POU6F2: variants seen among roughly 807,000 people sequenced by gnomAD.
POU6F2 encodes POU domain, class 6, transcription factor 2.
POU6F2 carries 31 observed loss-of-function variants against 71.3 expected under a neutral mutation model. That is an observed-to-expected ratio of 0.43 (90% CI 0.33 to 0.59). The LOEUF is 0.59. POU6F2 is among the 20% of genes least tolerant of loss of function. The probability of loss-of-function intolerance (pLI) is 0.04; values close to 1 mark genes in which losing one functional copy is unlikely to be tolerated. For synonymous variants in POU6F2, 347 were observed against 355.7 expected, an observed-to-expected ratio of 0.98 and a Z score of 0.27; for missense variants, 783 against 856.8, an observed-to-expected ratio of 0.91 and a Z score of 1.07.
intron 4 of POU6F2, among the ~76,000 whole-genome samples, chr7:39,327,973 T>G (rs1425033282): frequency 6.6e-6 from 1 of 152,002 alleles, no homozygotes; most frequent in Non-Finnish European, 1.5e-5. Context: ...CAGGCTGGAG[T>G]GCAGTGGCAT....
intron 2 of POU6F2, among the ~76,000 whole-genome samples, chr7:39,131,720 T>C (rs2128729772): frequency 6.6e-6 from 1 of 152,344 alleles, no homozygotes; most frequent in Admixed American, 6.5e-5. Flanking sequence ...GAGTTGGTAT[T>C]CAGGAAATTA....
At chr7:39,380,955 A>G (rs1786815473) in intron 5 of POU6F2, among the ~76,000 whole-genome samples, 2 of 152,180 alleles carry the variant, frequency 1.3e-5, no homozygotes, top group South Asian at 4.1e-4. Context: ...CAAAGTCCTT[A>G]GATTATCTCA....
At chr7:39,004,489 C>G (rs1789001025) in intron 1 of POU6F2, among the ~76,000 whole-genome samples, 2 of 152,142 alleles carry the variant, frequency 1.3e-5, no homozygotes. Context: ...CCAGGACAAG[C>G]CCAGTGAATG....
chr7:39,371,523 G>T (rs572891300), intron 5 of POU6F2, among the ~76,000 whole-genome samples: 1 of 152,004 alleles, frequency 6.6e-6, no homozygotes, highest in Non-Finnish European at 1.5e-5. Context: ...GAGCACTAAC[G>T]GCCAGTCCTC....
intron 1 of POU6F2, among the ~76,000 whole-genome samples, chr7:39,036,646 A>G (rs1398918111): frequency 6.6e-6 from 1 of 150,414 alleles, no homozygotes; most frequent in African/African-American, 2.4e-5. Flanking sequence ...TACAATGCTT[A>G]AGTTTTATCT....
At chr7:39,285,916 G>A (rs996773807) in intron 4 of POU6F2, among the ~76,000 whole-genome samples, 12 of 152,152 alleles carry the variant, frequency 7.9e-5, no homozygotes, top group Non-Finnish European at 4.4e-5. Flanking sequence ...TTCCCAGAAG[G>A]GAGGAAGCAT....
chr7:39,236,119 A>T (rs1794670917), intron 4 of POU6F2, among the ~76,000 whole-genome samples: 1 of 152,264 alleles, frequency 6.6e-6, no homozygotes, highest in South Asian at 2.1e-4. Context: ...TGCACTCACC[A>T]CTTCCTTTGA....
rs184390145 is a variant in POU6F2 at position 38,983,888 on chromosome 7, A to G, written c.105+5830A>G. ...CATTAAAGGAAATTCTCTAGGTTTT[A>G]AAACACTTGTTTTTCAGGTTGGCTG... On this transcript the variant is annotated intron_variant, in intron 1 of 9. Transcript: ENST00000518318. Among the ~76,000 whole-genome samples, 6 of 152,264 alleles carry G rather than the reference A, an allele frequency of 3.9e-5. No homozygotes were observed. In the East Asian group the frequency reaches 1.2e-3, roughly 29 times the overall value.
chr7:39,229,962 T>C (rs1013888511), intron 4 of POU6F2, among the ~76,000 whole-genome samples: 1 of 152,242 alleles, frequency 6.6e-6, no homozygotes, highest in Non-Finnish European at 1.5e-5. Context: ...ACAGGCACCC[T>C]GTCCAGGCAT....
chr7:39,185,220 G>A (rs1028688157), intron 2 of POU6F2, among the ~76,000 whole-genome samples: 2 of 152,056 alleles, frequency 1.3e-5, no homozygotes, highest in African/African-American at 4.8e-5. Flanking sequence ...GGATGGGGGA[G>A]GGGGGTGAAG....
chr7:39,425,623 C>T (rs1273769230), intron 6 of POU6F2, among the ~76,000 whole-genome samples: 1 of 152,228 alleles, frequency 6.6e-6, no homozygotes, highest in Non-Finnish European at 1.5e-5. Flanking sequence ...CGCTACCTCT[C>T]AGAAATAAAC....
intron 2 of POU6F2, among the ~76,000 whole-genome samples, chr7:39,171,283 T>C (rs984268490): frequency 7.2e-5 from 11 of 152,058 alleles, no homozygotes; most frequent in Non-Finnish European, 1.3e-4. Flanking sequence ...ATAATATATA[T>C]TTATCCTGTA....
chr7:39,264,340 C>G (rs574762719), intron 4 of POU6F2, among the ~76,000 whole-genome samples: 1 of 152,368 alleles, frequency 6.6e-6, no homozygotes, highest in Non-Finnish European at 1.5e-5. Context: ...TTCAAATGCA[C>G]TTGGACGCCC....
chr7:39,437,916 A>G (rs1054775082), intron 7 of POU6F2, among the ~76,000 whole-genome samples: 1 of 150,812 alleles, frequency 6.6e-6, no homozygotes, highest in Non-Finnish European at 1.5e-5. Context: ...TTCAATTTCC[A>G]TGTAATCATG....
chr7:39,228,863 C>T (rs1794521205), intron 4 of POU6F2, among the ~76,000 whole-genome samples: 1 of 152,160 alleles, frequency 6.6e-6, no homozygotes, highest in Non-Finnish European at 1.5e-5. Context: ...TGCTCCCAGG[C>T]TCATGGATGA....
At chr7:39,316,358 G>T (rs1404029595) in intron 4 of POU6F2, among the ~76,000 whole-genome samples, 1 of 152,116 alleles carries the variant, frequency 6.6e-6, no homozygotes, top group Non-Finnish European at 1.5e-5. Context: ...CTTATTCAGA[G>T]TTTCATGTGA....
At chr7:38,990,294 G>A (rs565309341) in intron 1 of POU6F2, among the ~76,000 whole-genome samples, 2 of 152,128 alleles carry the variant, frequency 1.3e-5, no homozygotes, top group African/African-American at 2.4e-5. Context: ...TCAATAAAGG[G>A]CATCTTTTAT....
intron 4 of POU6F2, among the ~76,000 whole-genome samples, chr7:39,211,897 A>G (rs1223436870): frequency 6.6e-6 from 1 of 152,162 alleles, no homozygotes; most frequent in African/African-American, 2.4e-5. Context: ...TGGCTGAACC[A>G]TGATTCCGGT....
intron 1 of POU6F2, among the ~76,000 whole-genome samples, chr7:39,066,464 G>C (rs1790755077): frequency 6.6e-6 from 1 of 151,696 alleles, no homozygotes; most frequent in African/African-American, 2.4e-5. Flanking sequence ...ACAGTCCTAA[G>C]AGAATCAACC....
Sources: gnomAD v4.1 joint callset for allele counts (sites outside exome capture counted in the v4.1 genomes callset) on GRCh38, gnomAD v4.1.1 for gene constraint, MANE v1.5 for transcripts, NCBI Gene and HGNC (gene_info 2026-07-23, HGNC 2026-07-21) for gene names.